Variants in GRM5 observed in about 807,000 individuals in gnomAD.
The protein encoded by GRM5 is metabotropic glutamate receptor 5.
In GRM5, 19 loss-of-function variants were observed where a neutral mutation model predicts 83.1. The ratio of observed to expected loss-of-function variants is 0.23; its 90% CI spans 0.16 to 0.34. The LOEUF (loss-of-function observed/expected upper bound fraction) is 0.34, where lower values mean the gene tolerates loss of function less well. Ranked by LOEUF, GRM5 falls within the 10% of genes least tolerant of loss-of-function variation. GRM5 has a pLI of 1.00. For synonymous variants in GRM5, 675 were observed against 633.6 expected (o/e 1.07, Z -0.98); for missense variants, 1,160 against 1,588.3 (o/e 0.73, Z 4.58).
intron 3 of GRM5, among the ~76,000 whole-genome samples, chr11:88,669,760 G>A (rs1273851926): frequency 6.6e-6 from 1 of 151,934 alleles, no homozygotes; most frequent in Non-Finnish European, 1.5e-5. Flanking sequence ...ATTCATGCAT[G>A]CAAGATAAAT....
chr11:88,704,718 G>A (rs4489745), intron 3 of GRM5, among the ~76,000 whole-genome samples: 5,543 of 152,102 alleles, frequency 0.036, 259 homozygotes, highest in Admixed American at 0.14. Flanking sequence ...TTGGTGCTGA[G>A]GATGGAAAAT....
intron 4 of GRM5, among the ~76,000 whole-genome samples, chr11:88,611,517 T>C (rs1182472563): frequency 2.6e-5 from 4 of 152,186 alleles, no homozygotes. Context: ...ATGCTGACAA[T>C]AGTCTCTGAG....
intron 2 of GRM5, among the ~76,000 whole-genome samples, chr11:88,855,008 T>A (rs532131388): frequency 6.6e-6 from 1 of 151,978 alleles, no homozygotes; most frequent in East Asian, 1.9e-4. Context: ...AGACAAGGTG[T>A]ACCTAGTGAG....
intron 3 of GRM5, among the ~76,000 whole-genome samples, chr11:88,736,219 T>TA (rs375978127): frequency 6.6e-6 from 1 of 151,926 alleles, no homozygotes; most frequent in Admixed American, 6.6e-5. Context: ...GCAACAAACC[T>TA]AAAAAAAACT....
At chr11:88,657,892 G>A (rs1939805617) in intron 3 of GRM5, among the ~76,000 whole-genome samples, 3 of 152,108 alleles carry the variant, frequency 2.0e-5, no homozygotes, top group Non-Finnish European at 4.4e-5. Context: ...TATATTCACT[G>A]CAGATGGCCT....
intron 4 of GRM5, among the ~76,000 whole-genome samples, chr11:88,615,209 AT>A (rs1317128495): frequency 5.3e-5 from 8 of 152,016 alleles, no homozygotes; most frequent in Non-Finnish European, 8.8e-5. Flanking sequence ...CCTGGTGACT[AT>A]TTTTCCTAAT....
chr11:88,653,433 A>G (rs1939688682), intron 3 of GRM5, 30 bp from the exon 4 acceptor site: 1 of 1,452,686 alleles, frequency 6.9e-7, no homozygotes, highest in Admixed American at 1.7e-5. Flanking sequence ...CCCTCAGCTT[A>G]GAACAGATAT....
At chr11:89,051,902 C>T (rs1009593346) in intron 1 of GRM5, among the ~76,000 whole-genome samples, 7 of 151,990 alleles carry the variant, frequency 4.6e-5, no homozygotes, top group Non-Finnish European at 8.8e-5. Flanking sequence ...CTATGATTGG[C>T]GACAGTAGAT....
At chr11:88,912,114 A>C (rs1430970943) in intron 2 of GRM5, 11 of 437,432 alleles carry the variant, frequency 2.5e-5, no homozygotes, top group South Asian at 1.7e-4. Context: ...TGACCAAATG[A>C]AGAGTATTAG....
intron 3 of GRM5, among the ~76,000 whole-genome samples, chr11:88,710,020 G>T (rs149041047): frequency 6.6e-6 from 1 of 152,024 alleles, no homozygotes; most frequent in Non-Finnish European, 1.5e-5. Context: ...CTGGGTATTC[G>T]CATTCACAAC....
intron 4 of GRM5, among the ~76,000 whole-genome samples, chr11:88,651,456 A>T (rs2135303700): frequency 6.6e-6 from 1 of 152,194 alleles, no homozygotes. Flanking sequence ...AGTAATAATT[A>T]TACAAACATA....
intron 2 of GRM5, among the ~76,000 whole-genome samples, chr11:88,947,655 T>A (rs1938326249): frequency 6.6e-6 from 1 of 152,176 alleles, no homozygotes; most frequent in African/African-American, 2.4e-5. Flanking sequence ...GGTATAGATT[T>A]AGTTGATTAA....
intron 3 of GRM5, among the ~76,000 whole-genome samples, chr11:88,839,655 C>T (rs974130829): frequency 3.9e-5 from 6 of 152,114 alleles, no homozygotes; most frequent in African/African-American, 1.4e-4. Context: ...GTTAAAAAAT[C>T]TCTCTTTACC....
intron 3 of GRM5, among the ~76,000 whole-genome samples, chr11:88,836,654 G>C (rs1306956223): frequency 6.6e-6 from 1 of 152,014 alleles, no homozygotes; most frequent in Non-Finnish European, 1.5e-5. Flanking sequence ...AATTAGCTGG[G>C]CATGGTGGTG....
At chr11:88,882,770 G>A (rs1944981705) in intron 2 of GRM5, among the ~76,000 whole-genome samples, 1 of 152,008 alleles carries the variant, frequency 6.6e-6, no homozygotes, top group African/African-American at 2.4e-5. Flanking sequence ...ATATGACAAG[G>A]TTTGGCTGTG....
intron 2 of GRM5, among the ~76,000 whole-genome samples, chr11:88,896,830 T>C (rs764335714): frequency 3.3e-5 from 5 of 151,932 alleles, no homozygotes; most frequent in Non-Finnish European, 5.9e-5. Flanking sequence ...ATTAGCCTGA[T>C]TCTTAGACTA....
intron 3 of GRM5, among the ~76,000 whole-genome samples, chr11:88,680,695 C>T (rs1194062743): frequency 6.6e-6 from 1 of 152,152 alleles, no homozygotes; most frequent in East Asian, 1.9e-4. Context: ...GTTATTGTGG[C>T]ACTATTCACA....
chr11:88,692,162 A>C (rs1423929459), intron 3 of GRM5, among the ~76,000 whole-genome samples: 2 of 152,024 alleles, frequency 1.3e-5, no homozygotes, highest in Non-Finnish European at 2.9e-5. Flanking sequence ...GATAGTTAGA[A>C]CCTCTCTTTT....
At chr11:88,663,261 T>C (rs1939952475) in intron 3 of GRM5, among the ~76,000 whole-genome samples, 1 of 152,184 alleles carries the variant, frequency 6.6e-6, no homozygotes, top group South Asian at 2.1e-4. Flanking sequence ...GGAATATCCA[T>C]CCTGTCTTGA....
Sources: allele counts gnomAD v4.1 joint callset (sites outside exome capture counted in the v4.1 genomes callset), GRCh38; gene constraint gnomAD v4.1.1; transcripts MANE v1.5; gene names NCBI Gene and HGNC (gene_info 2026-07-23, HGNC 2026-07-21).